TIAM2: variants seen among roughly 807,000 people sequenced by gnomAD.
TIAM2 encodes the protein rho guanine nucleotide exchange factor TIAM2.
A neutral mutation model predicts 152.9 loss-of-function variants in TIAM2; 80 were observed. The observed-to-expected ratio is 0.52, with a 90% CI of 0.44 to 0.63. The LOEUF (loss-of-function observed/expected upper bound fraction) is 0.63, where lower values mean the gene tolerates loss of function less well. TIAM2 is among the 30% of genes least tolerant of loss of function. The probability of loss-of-function intolerance (pLI) is 0.00; values close to 1 mark genes in which losing one functional copy is unlikely to be tolerated. For synonymous variants in TIAM2, 804 were observed against 838.0 expected, an observed-to-expected ratio of 0.96 and a Z score of 0.70; for missense variants, 1,965 against 2,120.1, an observed-to-expected ratio of 0.93 and a Z score of 1.44.
At chr6:155,164,133 G>GTTTTTTTGTTTTTT (rs1780350075) in intron 7 of TIAM2, among the ~76,000 whole-genome samples, 2 of 118,006 alleles carry the variant, frequency 1.7e-5, no homozygotes, top group East Asian at 2.6e-4. Flanking sequence ...TAATTTTTGT[G>GTTTTTTTGTTTTTT]TTTTTTTTTT....
intron 1 of TIAM2, among the ~76,000 whole-genome samples, chr6:155,009,091 C>CTTTT (rs61651734): frequency 8.1e-5 from 5 of 61,440 alleles, no homozygotes; most frequent in African/African-American, 2.7e-4. Context: ...CTCAGAAGAT[C>CTTTT]TTTTTTTTTT....
At chr6:155,024,051 G>T (rs527808197) in intron 1 of TIAM2, among the ~76,000 whole-genome samples, 2 of 152,216 alleles carry the variant, frequency 1.3e-5, no homozygotes, top group African/African-American at 4.8e-5. Context: ...CTCCCACTCT[G>T]CAGAGGACAC....
chr6:155,099,966 G>A (rs1170231798), intron 2 of TIAM2, among the ~76,000 whole-genome samples: 3 of 152,212 alleles, frequency 2.0e-5, no homozygotes, highest in Non-Finnish European at 2.9e-5. Flanking sequence ...AAGTATTTGT[G>A]TATCTAAACA....
At chr6:155,148,077 T>C in intron 6 of TIAM2, 33 bp from the exon 7 acceptor site, 1 of 1,609,608 alleles carries the variant, frequency 6.2e-7, no homozygotes, top group Non-Finnish European at 8.5e-7. Context: ...GGTAAAATGA[T>C]TCGAAACAGG....
chr6:155,082,604 T>G (rs1778088143), intron 1 of TIAM2, among the ~76,000 whole-genome samples: 1 of 150,794 alleles, frequency 6.6e-6, no homozygotes, highest in South Asian at 2.1e-4. Context: ...GAGCCAAGAT[T>G]GTACCATTGC....
In TIAM2 at chr6:155,257,062, T is replaced by C; in HGVS notation, c.5047T>C (p.Leu1683=). ...VLEREFSVQS[L]TSVVSEECFY... ...AGAGCGAGAATTCAGTGTCCAGAGT[T>C]TAACATCTGTTGTCAGTGAGGAGTG... Residue 1683 remains leucine, a synonymous_variant, in exon 27 of 27, where the codon TTA becomes CTA. Coordinates refer to ENST00000682666, the MANE Select transcript of TIAM2 (RefSeq NM_012454.4). The C allele has an allele frequency of 6.2e-7, 1 of 1,614,170 alleles. No homozygotes were observed. The highest frequency in any genetic ancestry group is 2.2e-5 in the East Asian group (1 of 44,886).
chr6:155,251,954 G>C lies in TIAM2; in HGVS notation c.4070G>C (p.Arg1357Thr). 6.2e-7 allele frequency: 1 copy of C among 1,603,960 alleles called. No homozygotes were observed. Among genetic ancestry groups the C allele is most frequent in the Non-Finnish European group, 8.5e-7 (1 of 1,176,512 alleles). Residue 1357 changes from arginine to threonine, a missense_variant, in exon 23 of 27, where the codon AGA becomes ACA. Arg to Thr is a moderately conservative substitution (Grantham distance 71, BLOSUM62 -1). Transcript: ENST00000682666. ...DLELTVFVFK[R>T]AVILVYKENC... ...CTTTTCCTTTCTTTAGTTTTTAAGA[G>C]AGCCGTCATACTGGTTTATAAAGAA...
chr6:155,078,339 C>A (rs1405518921), intron 1 of TIAM2, among the ~76,000 whole-genome samples: 1 of 152,182 alleles, frequency 6.6e-6, no homozygotes, highest in African/African-American at 2.4e-5. Context: ...AGCCACTGCG[C>A]CCAGCCTCGA....
At chr6:155,168,975 T>A in intron 9 of TIAM2, 1 of 1,399,076 alleles carries the variant, frequency 7.1e-7, no homozygotes, top group Admixed American at 2.5e-5. Context: ...AAATGCTAAC[T>A]TTTTCTGTTT....
At chr6:155,191,661 G>T (rs958509179) in intron 14 of TIAM2, among the ~76,000 whole-genome samples, 3 of 152,062 alleles carry the variant, frequency 2.0e-5, no homozygotes, top group Non-Finnish European at 4.4e-5. Flanking sequence ...GCGTTGTGGC[G>T]CACACCTGTA....
At chr6:155,132,405 T>A (rs1383910723) in intron 4 of TIAM2, among the ~76,000 whole-genome samples, 1 of 151,886 alleles carries the variant, frequency 6.6e-6, no homozygotes, top group African/African-American at 2.4e-5. Flanking sequence ...CACCCCCTCC[T>A]GTGCTGGGCT....
At chr6:155,137,647 A>C in intron 5 of TIAM2, 35 bp downstream of exon 5, 1 of 1,520,518 alleles carries the variant, frequency 6.6e-7, no homozygotes, top group Non-Finnish European at 8.8e-7. Context: ...GCCACTGGGG[A>C]TTGTTTCCGC....
intron 7 of TIAM2, among the ~76,000 whole-genome samples, chr6:155,160,668 G>A (rs1030862003): frequency 2.0e-5 from 3 of 152,060 alleles, no homozygotes; most frequent in African/African-American, 7.2e-5. Flanking sequence ...GGCTGAGTTG[G>A]GAGGATCACT....
intron 1 of TIAM2, among the ~76,000 whole-genome samples, chr6:155,089,155 A>G (rs975718508): frequency 2.0e-5 from 3 of 151,928 alleles, no homozygotes; most frequent in Admixed American, 6.6e-5. Context: ...TAGCATATCA[A>G]ATACAGGAAG....
In TIAM2 at chr6:155,144,503, G is replaced by T. The variant is rs926859133; in HGVS notation, c.1631-103G>T. 3 of 1,124,066 alleles carry T rather than the reference G, an allele frequency of 2.7e-6. No individual in the cohort carries two copies. The South Asian group carries it at 6.6e-5, about 25-fold the overall frequency. The allele number at this position is 1,124,066 out of a possible 1,614,324, so 69.6% of individuals were successfully genotyped here. On this transcript the variant is annotated intron_variant, in intron 5 of 26. Transcript: ENST00000682666. ...TTTACCATGTTTCTGTCACATGATT[G>T]TCTCACTCAGGTGTTTTTAAAAAAG...
intron 1 of TIAM2, among the ~76,000 whole-genome samples, chr6:155,056,257 C>T (rs1017513729): frequency 6.7e-5 from 10 of 150,308 alleles, no homozygotes; most frequent in South Asian, 4.2e-4. Flanking sequence ...CTGCAACCTC[C>T]GCTTGCTGGG....
At chr6:155,139,627 G>C (rs563135964) in intron 5 of TIAM2, among the ~76,000 whole-genome samples, 1 of 152,304 alleles carries the variant, frequency 6.6e-6, no homozygotes, top group South Asian at 2.1e-4. Context: ...GGACAGGATA[G>C]GGAAATGTGG....
chr6:155,041,488 C>T (rs1777046786), intron 1 of TIAM2, among the ~76,000 whole-genome samples: 1 of 151,874 alleles, frequency 6.6e-6, no homozygotes, highest in Non-Finnish European at 1.5e-5. Context: ...GTGGAAAAAG[C>T]AATATTGAGA....
rs753606681 is a variant in TIAM2, at chr6:155,164,615, A to G, written c.2214+15A>G. On this transcript the variant is annotated intron_variant, in intron 8 of 26. Transcript: ENST00000682666. ...TCCATGCTCTGGTAAGTTCCTGAGG[A>G]AGGCTGTTTCTGCAGCATTCGGGGA... 7.5e-6 allele frequency: 12 copies of G among 1,597,694 alleles called. No individual in the cohort carries two copies. The highest frequency in any genetic ancestry group is 9.4e-6 in the Non-Finnish European group (11 of 1,168,336).
Sources: allele counts gnomAD v4.1 joint callset (sites outside exome capture counted in the v4.1 genomes callset), GRCh38; gene constraint gnomAD v4.1.1; transcripts MANE v1.5; gene names NCBI Gene and HGNC (gene_info 2026-07-23, HGNC 2026-07-21).